The following PTPN12 variants were observed in gnomAD, a reference collection of about 807,000 sequenced individuals.
The protein encoded by PTPN12 is protein tyrosine phosphatase non-receptor type 12, also known as tyrosine-protein phosphatase non-receptor type 12.
Under a neutral mutation model 97.6 loss-of-function variants are expected in PTPN12, and 29 were observed. That is an observed-to-expected ratio of 0.30 (90% CI 0.22 to 0.41). PTPN12 has a LOEUF of 0.41. PTPN12 is among the 10% of genes least tolerant of loss of function. PTPN12 has a pLI of 1.00. For missense variants in PTPN12, 819 were observed against 926.0 expected, an observed-to-expected ratio of 0.88 and a Z score of 1.50; for synonymous variants, 327 against 300.4, an observed-to-expected ratio of 1.09 and a Z score of -0.91.
chr7:77,549,584 T>G (rs2151299331), intron 1 of PTPN12, among the ~76,000 whole-genome samples: 1 of 147,808 alleles, frequency 6.8e-6, no homozygotes, highest in East Asian at 1.9e-4. Context: ...GTTTGTTTGT[T>G]TTTTTTTTTT....
intron 16 of PTPN12, 148 bp from the exon 17 acceptor site, chr7:77,638,476 T>A: frequency 2.5e-6 from 3 of 1,219,960 alleles, no homozygotes; most frequent in Non-Finnish European, 3.1e-6. Flanking sequence ...ACACTTGTAT[T>A]TATATTGTTC....
chr7:77,612,005 T>C (rs1329889045), intron 11 of PTPN12, among the ~76,000 whole-genome samples: 1 of 151,960 alleles, frequency 6.6e-6, no homozygotes, highest in African/African-American at 2.4e-5. Context: ...TTTGTAGAAT[T>C]TGTTTACATC....
intron 1 of PTPN12, among the ~76,000 whole-genome samples, chr7:77,564,806 G>A (rs1315022542): frequency 8.7e-6 from 1 of 114,518 alleles, no homozygotes; most frequent in African/African-American, 3.4e-5. Context: ...GTGCCAGGCT[G>A]GAGTGCAGTG....
intron 7 of PTPN12, 25 bp downstream of exon 7, chr7:77,597,926 A>C: frequency 6.2e-7 from 1 of 1,606,160 alleles, no homozygotes; most frequent in Non-Finnish European, 8.5e-7. Flanking sequence ...TTTATAGACT[A>C]TCTGTAAGAA....
chr7:77,623,173 C>T (rs1789007161), intron 12 of PTPN12, among the ~76,000 whole-genome samples: 1 of 151,998 alleles, frequency 6.6e-6, no homozygotes, highest in South Asian at 2.1e-4. Context: ...TATAGAACAT[C>T]CAACATAAGA....
chr7:77,571,650 C>T (rs149887205), intron 2 of PTPN12, among the ~76,000 whole-genome samples: 4 of 152,198 alleles, frequency 2.6e-5, no homozygotes, highest in African/African-American at 9.6e-5. Context: ...GAATATGTGC[C>T]TCTAAGTATA....
intron 2 of PTPN12, among the ~76,000 whole-genome samples, chr7:77,572,682 G>A (rs1787185486): frequency 6.6e-6 from 1 of 152,148 alleles, no homozygotes; most frequent in Non-Finnish European, 1.5e-5. Context: ...CTAGCTATAT[G>A]ACCTTGGACT....
intron 11 of PTPN12, among the ~76,000 whole-genome samples, chr7:77,613,691 C>T (rs1049343571): frequency 6.6e-6 from 1 of 151,744 alleles, no homozygotes; most frequent in African/African-American, 2.4e-5. Flanking sequence ...CCCGTCTCTA[C>T]CAAAAATACA....
intron 11 of PTPN12, among the ~76,000 whole-genome samples, chr7:77,616,353 T>C (rs1788750695): frequency 6.6e-6 from 1 of 152,230 alleles, no homozygotes; most frequent in Non-Finnish European, 1.5e-5. Flanking sequence ...AGTATTACCC[T>C]TCTACTTTTT....
At chr7:77,606,112 G>A (rs1007904785) in intron 8 of PTPN12, among the ~76,000 whole-genome samples, 5 of 151,822 alleles carry the variant, frequency 3.3e-5, no homozygotes, top group African/African-American at 1.2e-4. Flanking sequence ...CTGCCAGCAC[G>A]CCCAGCTAAT....
chr7:77,566,627 G>A (rs1404814684), intron 1 of PTPN12, among the ~76,000 whole-genome samples: 2 of 152,190 alleles, frequency 1.3e-5, no homozygotes, highest in African/African-American at 4.8e-5. Context: ...GGGACGCTGA[G>A]GTGGGAGAAT....
intron 1 of PTPN12, among the ~76,000 whole-genome samples, chr7:77,563,748 G>T (rs1405557257): frequency 6.6e-6 from 1 of 152,128 alleles, no homozygotes; most frequent in African/African-American, 2.4e-5. Flanking sequence ...AAAAGGGAGA[G>T]AATTAGTCTG....
intron 2 of PTPN12, among the ~76,000 whole-genome samples, chr7:77,575,212 G>A (rs1468996941): frequency 2.6e-5 from 4 of 152,054 alleles, no homozygotes; most frequent in African/African-American, 9.7e-5. Context: ...TTCATTGCCC[G>A]GGCACAGTGG....
At chr7:77,554,135 G>GTTT (rs1281880743) in intron 1 of PTPN12, among the ~76,000 whole-genome samples, 5 of 151,930 alleles carry the variant, frequency 3.3e-5, no homozygotes, top group Non-Finnish European at 7.4e-5. Context: ...CTCAAGTAAT[G>GTTT]TTTTTTATTT....
At chr7:77,549,570 TTTTG>T (rs996830645) in intron 1 of PTPN12, among the ~76,000 whole-genome samples, 33 of 151,962 alleles carry the variant, frequency 2.2e-4, no homozygotes, top group East Asian at 7.7e-4. Flanking sequence ...AAGTTTGGGT[TTTTG>T]TTTGTTTGTT....
intron 1 of PTPN12, chr7:77,563,886 T>A: frequency 5.0e-6 from 2 of 400,300 alleles, no homozygotes; most frequent in South Asian, 3.6e-5. Context: ...TTATTTTAGC[T>A]GCTTATAACC....
intron 2 of PTPN12, among the ~76,000 whole-genome samples, chr7:77,576,169 T>C (rs1395077570): frequency 1.3e-5 from 2 of 152,210 alleles, no homozygotes; most frequent in Non-Finnish European, 2.9e-5. Flanking sequence ...TTAACACATT[T>C]TAAAGATTCA....
At chr7:77,543,259 T>C (rs535081531) in intron 1 of PTPN12, among the ~76,000 whole-genome samples, 4 of 88,062 alleles carry the variant, frequency 4.5e-5, no homozygotes, top group Non-Finnish European at 8.1e-5. Context: ...GGGTTTAGTG[T>C]CTTTCCATTT....
chr7:77,632,469 A>T, intron 14 of PTPN12, 44 bp downstream of exon 14: 1 of 1,415,266 alleles, frequency 7.1e-7, no homozygotes, highest in Non-Finnish European at 1.0e-6. Context: ...TATTCTAATA[A>T]TAAACTCCGA....
Sources: gnomAD v4.1 joint callset for allele counts (sites outside exome capture counted in the v4.1 genomes callset) on GRCh38, gnomAD v4.1.1 for gene constraint, MANE v1.5 for transcripts, NCBI Gene and HGNC (gene_info 2026-07-23, HGNC 2026-07-21) for gene names.